The following TBC1D13 variants were observed in gnomAD, a reference collection of about 807,000 sequenced individuals.
TBC1D13 encodes TBC1 domain family member 13.
TBC1D13 carries 40 observed loss-of-function variants against 53.6 expected under a neutral mutation model. That is an observed-to-expected ratio of 0.75 (90% CI 0.58 to 0.97). The LOEUF is 0.97. Among genes scored for constraint, TBC1D13 ranks in the 50% least tolerant of loss-of-function variants. TBC1D13 has a pLI of 0.00. For synonymous variants in TBC1D13, 182 were observed against 197.7 expected (o/e 0.92, Z 0.67); for missense variants, 377 against 499.4 (o/e 0.75, Z 2.34).
chr9:128,807,239 A>T (rs1259238417), intron 11 of TBC1D13, among the ~76,000 whole-genome samples: 2 of 151,786 alleles, frequency 1.3e-5, no homozygotes, highest in African/African-American at 4.8e-5. Context: ...GGTGTGTGCC[A>T]CCACGTCTGG....
chr9:128,793,734 A>C (rs1228757017), intron 6 of TBC1D13, among the ~76,000 whole-genome samples: 1 of 152,172 alleles, frequency 6.6e-6, no homozygotes, highest in East Asian at 1.9e-4. Context: ...GACCCCCGGC[A>C]CTTGGTTAGA....
chr9:128,789,776 C>T (rs979295543), intron 2 of TBC1D13: 2 of 87,608 alleles, frequency 2.3e-5, no homozygotes, highest in African/African-American at 4.3e-5. Flanking sequence ...GGGTTACAGA[C>T]GTTAAGAAAA....
intron 7 of TBC1D13, among the ~76,000 whole-genome samples, chr9:128,800,801 TAGAG>T (rs1270092961): frequency 6.6e-6 from 1 of 152,178 alleles, no homozygotes; most frequent in Non-Finnish European, 1.5e-5. Context: ...GTATTATATA[TAGAG>T]AGAGTAAGTT....
chr9:128,791,232 C>T, intron 3 of TBC1D13, 148 bp from the exon 4 acceptor site: 1 of 763,030 alleles, frequency 1.3e-6, no homozygotes, highest in Non-Finnish European at 2.2e-6. Context: ...GAGGCTACCC[C>T]TAGCTCATGC....
At position 128,808,865 on chromosome 9, in the gene TBC1D13, T is replaced by A. The variant is rs961094693; in HGVS notation, c.*986T>A. Reference sequence around the variant, plus strand: ...AAATGCTGCTGAGTAAGGATGAAGCTTTGAGCCTCCTGCCCCTGCTTTCTG... The same window carrying A: ...AAATGCTGCTGAGTAAGGATGAAGCATTGAGCCTCCTGCCCCTGCTTTCTG... On this transcript the variant is annotated 3_prime_UTR_variant, in exon 12 of 12. Coordinates refer to ENST00000372648, the MANE Select transcript of TBC1D13 (RefSeq NM_018201.5). 2 of 152,260 alleles carry A rather than the reference T, an allele frequency of 1.3e-5. No homozygotes were observed. Among genetic ancestry groups the A allele is most frequent in the African/African-American group, 4.8e-5 (2 of 41,424 alleles). The allele number at this position is 152,260 out of a possible 1,614,324, so 9.4% of individuals were successfully genotyped here. A position where few individuals can be genotyped will look rare whatever the true frequency, so the allele number is the denominator to read the frequency against.
At position 128,805,886 on chromosome 9, in the gene TBC1D13, T is replaced by G; in HGVS notation, c.946T>G (p.Phe316Val). The stretch of plus-strand genomic sequence containing the variant: ...AGAGCAGAACATCAAGCCTCAGTTC[T>G]TTGCCTTCCGCTGGCTGACACTGCT... ...LQEQNIKPQF[F>V]AFRWLTLLLS... Residue 316 changes from phenylalanine to valine, a missense_variant, in exon 10 of 12, where the codon TTT becomes GTT. Phe to Val is a conservative substitution (Grantham distance 50). Coordinates refer to ENST00000372648, the MANE Select transcript of TBC1D13 (RefSeq NM_018201.5). The G allele has an allele frequency of 6.2e-7, 1 of 1,614,048 alleles. No individual in the cohort carries two copies. The highest frequency in any genetic ancestry group is 8.5e-7 in the Non-Finnish European group (1 of 1,180,020).
rs539519290 is a variant in TBC1D13, at chr9:128,803,110, A to G, written c.544-140A>G. On this transcript the variant is annotated intron_variant, in intron 7 of 11. Coordinates refer to ENST00000372648, the MANE Select transcript of TBC1D13 (RefSeq NM_018201.5). Reference sequence around the variant, plus strand: ...GCTCTATCACCCAGGCTGGAATGCAATGGTGTAATCACGGCTCACTGCAGC... The same window carrying G: ...GCTCTATCACCCAGGCTGGAATGCAGTGGTGTAATCACGGCTCACTGCAGC... 6 of 702,078 alleles carry G rather than the reference A, an allele frequency of 8.5e-6. No homozygotes were observed. In the East Asian group the frequency reaches 1.4e-4, roughly 16 times the overall value. 43.5% of individuals were successfully genotyped at this position (702,078 alleles called of 1,614,324 possible). A position where few individuals can be genotyped will look rare whatever the true frequency, so the allele number is the denominator to read the frequency against.
chr9:128,805,599 C>A (rs1024200269), intron 9 of TBC1D13, among the ~76,000 whole-genome samples: 1 of 152,216 alleles, frequency 6.6e-6, no homozygotes, highest in Admixed American at 6.5e-5. Context: ...ATTTATAAAT[C>A]TGGAGAGCTT....
intron 2 of TBC1D13, among the ~76,000 whole-genome samples, chr9:128,789,325 A>AAAG (rs1829486431): frequency 6.6e-6 from 1 of 151,368 alleles, no homozygotes; most frequent in African/African-American, 2.4e-5. Context: ...TCAAAAAAAA[A>AAAG]AAAAAAAAAA....
Position 128,809,598 on chromosome 9 carries a change from C to T in TBC1D13, c.*1719C>T, listed in dbSNP as rs921782118. On this transcript the variant is annotated 3_prime_UTR_variant, in exon 12 of 12. Transcript: ENST00000372648. ...GGGAGACTTTGACTATTTATTCAGA[C>T]TCCTGGCTATGTATTGCACATTGGC... The T allele has an allele frequency of 2.6e-5, 4 of 152,252 alleles. No individual in the cohort carries two copies. Among genetic ancestry groups the T allele is most frequent in the African/African-American group, 9.6e-5 (4 of 41,462 alleles). The allele number at this position is 152,252 out of a possible 1,614,324, so 9.4% of individuals were successfully genotyped here. A position where few individuals can be genotyped will look rare whatever the true frequency, so the allele number is the denominator to read the frequency against.
intron 6 of TBC1D13, among the ~76,000 whole-genome samples, chr9:128,795,917 A>G (rs886674484): frequency 1.3e-5 from 2 of 152,058 alleles, no homozygotes; most frequent in African/African-American, 4.8e-5. Flanking sequence ...TTACATGGAA[A>G]TATGTTTGGA....
At chr9:128,788,219 C>T (rs1829464119) in intron 1 of TBC1D13, 115 bp from the exon 2 acceptor site, 1 of 858,842 alleles carries the variant, frequency 1.2e-6, no homozygotes, top group Non-Finnish European at 1.9e-6. Flanking sequence ...ATTTTTATGT[C>T]CTAAAGGGGA....
At chr9:128,788,261 G>A in intron 1 of TBC1D13, 73 bp from the exon 2 acceptor site, 11 of 1,355,992 alleles carry the variant, frequency 8.1e-6, no homozygotes, top group South Asian at 1.2e-5. Flanking sequence ...GGCAGTGTGA[G>A]GGAGCTGAGG....
At chr9:128,796,792 C>T (rs1829638577) in intron 6 of TBC1D13, among the ~76,000 whole-genome samples, 1 of 151,720 alleles carries the variant, frequency 6.6e-6, no homozygotes, top group Admixed American at 6.6e-5. Flanking sequence ...AAAAATTAGC[C>T]GGGCGTGGTG....
Position 128,803,470 on chromosome 9 carries a change from C to G in TBC1D13, c.754+10C>G. 1.9e-6 allele frequency: 3 copies of G among 1,613,298 alleles called. No individual in the cohort carries two copies. The highest frequency in any genetic ancestry group is 1.7e-6 in the Non-Finnish European group (2 of 1,179,568). ...AATAGTGAGTGGAAAGGTAAGAAGGCTCTTGGTGCCCACATCCCTCGTTGC... is the reference window on the plus strand; with the variant it reads ...AATAGTGAGTGGAAAGGTAAGAAGGGTCTTGGTGCCCACATCCCTCGTTGC... On this transcript the variant is annotated intron_variant, in intron 8 of 11. Coordinates refer to ENST00000372648, the MANE Select transcript of TBC1D13 (RefSeq NM_018201.5).
chr9:128,797,280 C>T (rs765161457), intron 7 of TBC1D13, 66 bp downstream of exon 7: 79 of 1,543,246 alleles, frequency 5.1e-5, no homozygotes, highest in Non-Finnish European at 7.0e-5. Flanking sequence ...TTCTCTTAAA[C>T]TCCTGGCCAC....
intron 7 of TBC1D13, among the ~76,000 whole-genome samples, chr9:128,801,244 C>T (rs766529912): frequency 3.9e-5 from 6 of 152,144 alleles, no homozygotes; most frequent in Non-Finnish European, 8.8e-5. Context: ...TCCATAATAT[C>T]ACCTGATACC....
At chr9:128,787,693 G>C (rs1829454390) in intron 1 of TBC1D13, among the ~76,000 whole-genome samples, 1 of 117,852 alleles carries the variant, frequency 8.5e-6, no homozygotes, top group South Asian at 2.8e-4. Flanking sequence ...CCCTGCTCCC[G>C]TACTCTCTCC....
intron 6 of TBC1D13, among the ~76,000 whole-genome samples, chr9:128,796,558 G>A (rs150649447): frequency 1.7e-4 from 26 of 151,926 alleles, no homozygotes; most frequent in Non-Finnish European, 3.1e-4. Context: ...GCCAATTTTT[G>A]TATTTTTAAT....
Sources: allele counts gnomAD v4.1 joint callset (sites outside exome capture counted in the v4.1 genomes callset), GRCh38; gene constraint gnomAD v4.1.1; transcripts MANE v1.5; gene names NCBI Gene and HGNC (gene_info 2026-07-23, HGNC 2026-07-21).